CST4: variants seen among roughly 807,000 people sequenced by gnomAD.
The protein encoded by CST4 is cystatin S, also known as cystatin-S.
A neutral mutation model predicts 11.2 loss-of-function variants in CST4; 17 were observed. That is an observed-to-expected ratio of 1.52 (90% CI 1.04 to 2.27). CST4 has a LOEUF of 2.27. Among genes scored for constraint, CST4 ranks in the 30% most tolerant of loss-of-function variants. CST4 has a pLI of 0.00. For missense variants in CST4, 251 were observed against 180.2 expected, an observed-to-expected ratio of 1.39 and a Z score of -2.25; for synonymous variants, 93 against 70.1, an observed-to-expected ratio of 1.33 and a Z score of -1.63.
chr20:23,688,825 G>T lies in CST4; in HGVS notation c.145C>A (p.His49Asn). ...LNDEWVQRALHFAISEYNKAT... is the reference protein window; with the variant it reads ...LNDEWVQRALNFAISEYNKAT... Reference sequence around the variant, plus strand: ...TTGTTGTACTCGCTGATGGCGAAGTGAAGGGCACGCTGTACCCACTCATCA... The same window carrying T: ...TTGTTGTACTCGCTGATGGCGAAGTTAAGGGCACGCTGTACCCACTCATCA... Residue 49 changes from histidine (H) to asparagine (N), a missense_variant, in exon 1 of 3, where the codon CAC becomes AAC. Transcript: ENST00000217423. 1 of 1,614,182 alleles carries T rather than the reference G, an allele frequency of 6.2e-7. No individual in the cohort carries two copies. Among genetic ancestry groups the T allele is most frequent in the Non-Finnish European group, 8.5e-7 (1 of 1,180,026 alleles).
intron 1 of CST4, 96 bp downstream of exon 1, chr20:23,688,646 T>C (rs1407460215): frequency 5.3e-6 from 6 of 1,136,590 alleles, no homozygotes; most frequent in Non-Finnish European, 7.8e-6. Flanking sequence ...CATTAGATCA[T>C]GAATGTGTCA....
chr20:23,686,371 A>G (rs1297168272), intron 2 of CST4, among the ~76,000 whole-genome samples: 1 of 151,772 alleles, frequency 6.6e-6, no homozygotes, highest in South Asian at 2.1e-4. Context: ...GGGCAGGGCA[A>G]CTCCCCCTCA....
At chr20:23,686,253 CT>C (rs995737849) in intron 2 of CST4, among the ~76,000 whole-genome samples, 4 of 152,144 alleles carry the variant, frequency 2.6e-5, no homozygotes, top group Non-Finnish European at 4.4e-5. Flanking sequence ...TGGGCAAGGC[CT>C]CGGGAGCCCC....
chr20:23,688,340 C>A (rs1403107998), intron 1 of CST4, among the ~76,000 whole-genome samples: 1 of 152,220 alleles, frequency 6.6e-6, no homozygotes, highest in Non-Finnish European at 1.5e-5. Flanking sequence ...AAGGGCTCTG[C>A]AGAACAGGGA....
chr20:23,687,779 T>C (rs1317031343), intron 1 of CST4, among the ~76,000 whole-genome samples: 1 of 152,204 alleles, frequency 6.6e-6, no homozygotes, highest in Admixed American at 6.5e-5. Flanking sequence ...GAGGGACTCT[T>C]TGGAACCAGG....
Position 23,687,112 on chromosome 20 carries a change from G to A in CST4, c.318C>T (p.Phe106=). Residue 106 remains phenylalanine (F), a synonymous_variant, in exon 2 of 3, where the codon TTC becomes TTT. Coordinates refer to ENST00000217423, the MANE Select transcript of CST4 (RefSeq NM_001899.3). ...KSQPNLDTCA[F]HEQPELQKKQ... ...CCTTCTGCAGTTCTGGCTGTTCATG[G>A]AAGGCACAGGTGTCCAAGTTGGGCT... The A allele has an allele frequency of 6.2e-7, 1 of 1,614,148 alleles. No homozygotes were observed. The highest frequency in any genetic ancestry group is 1.1e-5 in the South Asian group (1 of 91,086).
chr20:23,686,086 G>A, intron 2 of CST4, 109 bp from the exon 3 acceptor site: 7 of 1,142,570 alleles, frequency 6.1e-6, no homozygotes, highest in Non-Finnish European at 7.8e-6. Context: ...GTGAGACACT[G>A]CACCCTCACC....
intron 2 of CST4, among the ~76,000 whole-genome samples, chr20:23,686,276 A>G (rs2405670): frequency 5.3e-5 from 8 of 152,228 alleles, no homozygotes; most frequent in Admixed American, 2.0e-4. Context: ...AGGGTGCAGG[A>G]CATGGGGAGG....
intron 2 of CST4, among the ~76,000 whole-genome samples, 192 bp from the exon 3 acceptor site, chr20:23,686,169 AG>A (rs1981034329): frequency 6.6e-6 from 1 of 152,118 alleles, no homozygotes; most frequent in African/African-American, 2.4e-5. Context: ...CAAGGCTCCA[AG>A]TCACCAGGTG....
intron 2 of CST4, among the ~76,000 whole-genome samples, chr20:23,686,549 T>G (rs2405677): frequency 2.0e-5 from 3 of 152,134 alleles, no homozygotes; most frequent in South Asian, 2.1e-4. Context: ...GATTGTGGCT[T>G]TGGCTGCATG....
intron 1 of CST4, among the ~76,000 whole-genome samples, chr20:23,687,539 C>A (rs542343252): frequency 3.9e-5 from 6 of 152,312 alleles, no homozygotes; most frequent in South Asian, 2.1e-4. Flanking sequence ...TCCATTTAAC[C>A]TAGATTTATT....
At position 23,687,120 on chromosome 20, in the gene CST4, A is replaced by T. The variant is rs1981072036; in HGVS notation, c.310T>A (p.Cys104Ser). 6.2e-7 allele frequency: 1 copy of T among 1,614,074 alleles called. No individual in the cohort carries two copies. Among genetic ancestry groups the T allele is most frequent in the Admixed American group, 1.7e-5 (1 of 60,002 alleles). The change falls in exon 2 of 3, where the codon TGT (cysteine) becomes AGT (serine). Residue 104 changes from cysteine to serine, a missense_variant. Physicochemically the swap from Cys to Ser is moderately radical, Grantham distance 112 (BLOSUM62 -1). Transcript: ENST00000217423. ...CTKSQPNLDTCAFHEQPELQK... is the reference protein window; with the variant it reads ...CTKSQPNLDTSAFHEQPELQK... ...AGTTCTGGCTGTTCATGGAAGGCAC[A>T]GGTGTCCAAGTTGGGCTGGGACTTG...
chr20:23,686,807 A>G (rs1568723946), intron 2 of CST4, among the ~76,000 whole-genome samples: 7 of 151,736 alleles, frequency 4.6e-5, no homozygotes, highest in African/African-American at 2.4e-5. Context: ...CTATGTACAA[A>G]CCCCCATACT....
chr20:23,688,949 G>A lies in CST4; in HGVS notation c.21C>T (p.Thr7=). The stretch of plus-strand genomic sequence containing the variant: ...CCAGGGTAGCCATCAGGAGTAGCAG[G>A]GTACACAGAGGCCGGGCCATGGTCT... The part of the protein sequence containing the change: MARPLC[T]LLLLMATLAG... The change falls in exon 1 of 3, where the codon ACC becomes ACT. Residue 7 remains threonine (T), a synonymous_variant. Coordinates refer to ENST00000217423, the MANE Select transcript of CST4 (RefSeq NM_001899.3). 1.2e-6 allele frequency: 2 copies of A among 1,614,080 alleles called. No homozygotes were observed. The highest frequency in any genetic ancestry group is 1.1e-5 in the South Asian group (1 of 91,078).
chr20:23,688,703 G>T, intron 1 of CST4, 39 bp downstream of exon 1: 2 of 1,597,280 alleles, frequency 1.3e-6, no homozygotes, highest in South Asian at 2.2e-5. Context: ...AACAAACCAG[G>T]CTAGGGCTCA....
rs1417068736 is a variant in CST4 at position 23,685,916 on chromosome 20, T to A, written c.404A>T (p.Asn135Ile). The change falls in exon 3 of 3, where the codon AAT becomes ATT. Residue 135 changes from asparagine (N) to isoleucine (I), a missense_variant. Transcript: ENST00000217423. ...VPWEDRMSLV[N>I]SRCQEA ...CCCCTAGGCTTCTTGACACCTGGAA[T>A]TCACCAGGGACATTCTGTCCTCCCA... The A allele has an allele frequency of 6.2e-7, 1 of 1,613,980 alleles. No individual in the cohort carries two copies. Among genetic ancestry groups the A allele is most frequent in the African/African-American group, 1.3e-5 (1 of 74,928 alleles).
chr20:23,688,611 T>C lies in CST4; in HGVS notation c.228+131A>G, dbSNP rs1308662250. Reference sequence around the variant, plus strand: ...AGGCATGAAGGGCATCAGCGGAGAGTCAGAGAAAGCTGAATGAATCTGAGC... The same window carrying C: ...AGGCATGAAGGGCATCAGCGGAGAGCCAGAGAAAGCTGAATGAATCTGAGC... On this transcript the variant is annotated intron_variant, in intron 1 of 2. Transcript: ENST00000217423. 3.5e-6 allele frequency: 3 copies of C among 861,348 alleles called. No homozygotes were observed. The African/African-American group carries it at 5.0e-5, about 14-fold the overall frequency. 53.4% of individuals were successfully genotyped at this position (861,348 alleles called of 1,614,324 possible). A position where few individuals can be genotyped will look rare whatever the true frequency, so the allele number is the denominator to read the frequency against.
At chr20:23,687,582 C>T (rs1981088725) in intron 1 of CST4, among the ~76,000 whole-genome samples, 1 of 152,212 alleles carries the variant, frequency 6.6e-6, no homozygotes, top group Non-Finnish European at 1.5e-5. Flanking sequence ...AGATGCTTCA[C>T]ACACACAGAT....
At position 23,685,899 on chromosome 20, in the gene CST4, C is replaced by G; in HGVS notation, c.421G>C (p.Ala141Pro). 6.2e-7 allele frequency: 1 copy of G among 1,614,010 alleles called. No individual in the cohort carries two copies. Among genetic ancestry groups the G allele is most frequent in the South Asian group, 1.1e-5 (1 of 91,084 alleles). Residue 141 changes from alanine (A) to proline (P), a missense_variant, in exon 3 of 3, where the codon GCC (alanine) becomes CCC (proline). By Grantham distance (27) the Ala-to-Pro change is conservative. Transcript: ENST00000217423. ...MSLVNSRCQE[A>P] The stretch of plus-strand genomic sequence containing the variant: ...GACTGGCCTGGCACAGACCCCTAGG[C>G]TTCTTGACACCTGGAATTCACCAGG...
Sources: allele counts gnomAD v4.1 joint callset (sites outside exome capture counted in the v4.1 genomes callset), GRCh38; gene constraint gnomAD v4.1.1; transcripts MANE v1.5; gene names NCBI Gene and HGNC (gene_info 2026-07-23, HGNC 2026-07-21).